Variants in SYNRG observed in about 807,000 individuals in gnomAD.
The protein encoded by SYNRG is AP1 gamma subunit binding protein 1.
SYNRG carries 37 observed loss-of-function variants against 130.9 expected under a neutral mutation model. That is an observed-to-expected ratio of 0.28 (90% CI 0.22 to 0.37). The LOEUF is 0.37. Among genes scored for constraint, SYNRG ranks in the 10% least tolerant of loss-of-function variants. The pLI is 1.00. For synonymous variants in SYNRG, 539 were observed against 568.1 expected (o/e 0.95, Z 0.73); for missense variants, 1,338 against 1,588.9 (o/e 0.84, Z 2.68).
chr17:37,598,540 C>CA (rs1311779551), intron 2 of SYNRG, among the ~76,000 whole-genome samples: 39 of 152,268 alleles, frequency 2.6e-4, no homozygotes, highest in African/African-American at 9.1e-4. Context: ...TTTCAAGGCA[C>CA]AAAAGTGTAC....
At chr17:37,600,597 C>A (rs984853788) in intron 1 of SYNRG, 194 bp from the exon 2 acceptor site, 2 of 702,694 alleles carry the variant, frequency 2.8e-6, no homozygotes, top group Non-Finnish European at 2.6e-6. Context: ...CAGACGGAAA[C>A]TTGTTGAAAC....
chr17:37,526,335 T>G (rs774897071), intron 19 of SYNRG, among the ~76,000 whole-genome samples: 2 of 152,212 alleles, frequency 1.3e-5, no homozygotes, highest in Non-Finnish European at 2.9e-5. Context: ...AAATAAAGCT[T>G]TGCTTTTGCT....
At chr17:37,563,007 A>G (rs1304448703) in intron 11 of SYNRG, among the ~76,000 whole-genome samples, 1 of 152,178 alleles carries the variant, frequency 6.6e-6, no homozygotes, top group Admixed American at 6.5e-5. Context: ...AAAAACAACA[A>G]CAGAATCTTT....
At position 37,563,615 on chromosome 17, in the gene SYNRG, C is replaced by A. The variant is rs1027769226; in HGVS notation, c.1482-2026G>T. 3.3e-5 allele frequency among the ~76,000 whole-genome samples: 5 copies of A among 152,190 alleles called. No individual in the cohort carries two copies. In the East Asian group the frequency reaches 9.6e-4, roughly 29 times the overall value. ...TGATCATAGCACACTGCAGTTTCGA[C>A]CTCCTAGGTTCAAGTGATTCTCCTG... On this transcript the variant is annotated intron_variant, in intron 11 of 21. Transcript: ENST00000612223.
intron 2 of SYNRG, among the ~76,000 whole-genome samples, chr17:37,598,099 T>C (rs1036954256): frequency 1.3e-5 from 2 of 152,180 alleles, no homozygotes; most frequent in South Asian, 2.1e-4. Context: ...TCTAGGGACA[T>C]AGCCATGAAC....
intron 6 of SYNRG, 86 bp from the exon 7 acceptor site, chr17:37,577,699 T>A: frequency 2.4e-6 from 2 of 830,488 alleles, no homozygotes; most frequent in Non-Finnish European, 3.4e-6. Flanking sequence ...CATATTCTTT[T>A]TTTTTTTTTT....
chr17:37,538,174 C>A (rs1457450934), intron 18 of SYNRG, 150 bp downstream of exon 18: 2 of 566,666 alleles, frequency 3.5e-6, no homozygotes, highest in African/African-American at 1.9e-5. Context: ...TAGTTTACTG[C>A]CTGTAGCTTG....
chr17:37,602,015 C>CAAAT (rs923684845), intron 1 of SYNRG, among the ~76,000 whole-genome samples: 9 of 150,242 alleles, frequency 6.0e-5, no homozygotes, highest in South Asian at 2.2e-4. Context: ...GATTCCGTCT[C>CAAAT]AAATAAATAA....
intron 20 of SYNRG, 105 bp downstream of exon 20, chr17:37,520,433 C>T: frequency 2.5e-6 from 3 of 1,214,538 alleles, no homozygotes; most frequent in Non-Finnish European, 3.6e-6. Flanking sequence ...TTGAGAAAAT[C>T]CCCACCTCTG....
At chr17:37,600,828 C>A in intron 1 of SYNRG, 1 of 201,360 alleles carries the variant, frequency 5.0e-6, no homozygotes, top group Non-Finnish European at 1.0e-5. Flanking sequence ...TAAGCGAGGT[C>A]CAAATTATTA....
rs1309400247 is a variant in SYNRG, at chr17:37,565,929, T to C, written c.1481+2862A>G. ...GAGGGAGGTGGGGGGGTCAGCCCCC[T>C]GCCCGGCCAGCCGCCCCGTCCGGGA... On this transcript the variant is annotated intron_variant, in intron 11 of 21. Coordinates refer to ENST00000612223, the MANE Select transcript of SYNRG (RefSeq NM_007247.6). 8.7e-4 allele frequency among the ~76,000 whole-genome samples: 111 copies of C among 128,124 alleles called. 1 individual carries two copies. Among genetic ancestry groups the C allele is most frequent in the African/African-American group, 3.5e-3 (104 of 29,672 alleles). The allele number at this position is 128,124 out of a possible 152,430, so 84.1% of individuals were successfully genotyped here. A position where few individuals can be genotyped will look rare whatever the true frequency, so the allele number is the denominator to read the frequency against.
chr17:37,601,670 A>G (rs1376802072), intron 1 of SYNRG, among the ~76,000 whole-genome samples: 5 of 151,846 alleles, frequency 3.3e-5, no homozygotes, highest in Admixed American at 2.6e-4. Context: ...CTTTATTTTT[A>G]TTTTATTTTT....
At chr17:37,544,463 C>G (rs2058083909) in intron 14 of SYNRG, among the ~76,000 whole-genome samples, 1 of 151,954 alleles carries the variant, frequency 6.6e-6, no homozygotes, top group Non-Finnish European at 1.5e-5. Flanking sequence ...TACAGGCAGC[C>G]GCCACCACGC....
chr17:37,589,050 T>C (rs1481402564), intron 3 of SYNRG, among the ~76,000 whole-genome samples: 1 of 152,146 alleles, frequency 6.6e-6, no homozygotes, highest in African/African-American at 2.4e-5. Context: ...ACTGAATGGA[T>C]GACATAACAA....
At chr17:37,606,934 TA>T (rs1466891928) in intron 1 of SYNRG, among the ~76,000 whole-genome samples, 1 of 152,080 alleles carries the variant, frequency 6.6e-6, no homozygotes, top group African/African-American at 2.4e-5. Flanking sequence ...AGTTTCCTTA[TA>T]AAATAATTTC....
rs2062407102 is a variant in SYNRG, at chr17:37,593,612, T to C, written c.240+2611A>G. Among the ~76,000 whole-genome samples, 3 of 151,922 alleles carry C rather than the reference T, an allele frequency of 2.0e-5. No homozygotes were observed. In the South Asian group the frequency reaches 6.2e-4, roughly 31 times the overall value. On this transcript the variant is annotated intron_variant, in intron 3 of 21. Transcript: ENST00000612223. ...AAAAATGGTGAGTGGCGGACAGGTG[T>C]GGTGGCTCATGCCTATAATCCCAGC... is the stretch of plus-strand genomic sequence containing the variant.
intron 6 of SYNRG, among the ~76,000 whole-genome samples, chr17:37,580,966 G>A (rs1275716294): frequency 1.3e-5 from 2 of 152,018 alleles, no homozygotes; most frequent in African/African-American, 4.8e-5. Flanking sequence ...CACCATGCCT[G>A]GCCAAGACAA....
At chr17:37,557,193 C>A (rs558785975) in intron 13 of SYNRG, 2 of 152,280 alleles carry the variant, frequency 1.3e-5, no homozygotes, top group South Asian at 4.1e-4. Flanking sequence ...TCAAAAGGGA[C>A]CACTTTTTTG....
chr17:37,515,409 A>AAC lies in SYNRG; in HGVS notation c.*3530_*3531insGT, dbSNP rs1555699348. The AAC allele has an allele frequency of 7.0e-4, 8 of 11,446 alleles. No homozygotes were observed. In the Admixed American group the frequency reaches 0.012, roughly 17 times the overall value. The allele number at this position is 11,446 out of a possible 1,614,324, so 0.7% of individuals were successfully genotyped here. ...TGAATGGCAAATGTCTGAAAATGTC[A>AAC]GTTTATTAACTGTTCACAAAGGCAG... On this transcript the variant is annotated 3_prime_UTR_variant, in exon 22 of 22. Coordinates refer to ENST00000612223, the MANE Select transcript of SYNRG (RefSeq NM_007247.6).
Sources: allele counts gnomAD v4.1 joint callset (sites outside exome capture counted in the v4.1 genomes callset), GRCh38; gene constraint gnomAD v4.1.1; transcripts MANE v1.5; gene names NCBI Gene and HGNC (gene_info 2026-07-23, HGNC 2026-07-21).